HTR3D: variants seen among roughly 807,000 people sequenced by gnomAD.
HTR3D encodes the protein 5-hydroxytryptamine (serotonin) receptor 3 family member D.
Under a neutral mutation model 45.8 loss-of-function variants are expected in HTR3D, and 47 were observed. The observed-to-expected ratio is 1.03, with a 90% confidence interval of 0.81 to 1.31. The LOEUF is 1.31. Ranked by LOEUF, HTR3D falls within the 50% of genes most tolerant of loss-of-function variation. The probability of loss-of-function intolerance (pLI) is 0.00; values close to 1 mark genes in which losing one functional copy is unlikely to be tolerated. For missense variants in HTR3D, 448 were observed against 506.9 expected (o/e 0.88, Z 1.12); for synonymous variants, 203 against 199.8 (o/e 1.02, Z -0.13).
chr3:184,035,936 C>T (rs1391745624), intron 2 of HTR3D, 79 bp from the exon 3 acceptor site: 5 of 1,423,664 alleles, frequency 3.5e-6, no homozygotes, highest in Non-Finnish European at 2.9e-6. Context: ...TCAGTGATCC[C>T]CCCGCCTCAG....
At chr3:184,037,577 G>A (rs1722944644) in intron 5 of HTR3D, among the ~76,000 whole-genome samples, 1 of 152,122 alleles carries the variant, frequency 6.6e-6, no homozygotes, top group Non-Finnish European at 1.5e-5. Flanking sequence ...TTAGGGATAT[G>A]ATGATTCCAA....
intron 2 of HTR3D, 113 bp from the exon 3 acceptor site, chr3:184,035,902 A>G: frequency 9.8e-7 from 1 of 1,021,636 alleles, no homozygotes; most frequent in Non-Finnish European, 1.4e-6. Flanking sequence ...CATGTTAGCT[A>G]GGCTGGTCCT....
intron 3 of HTR3D, 71 bp downstream of exon 3, chr3:184,036,171 C>A: frequency 6.6e-7 from 1 of 1,504,278 alleles, no homozygotes. Flanking sequence ...ACCGATAAGG[C>A]CACACAAAGA....
Position 184,036,025 on chromosome 3 carries a change from A to G in HTR3D, c.122A>G (p.Asp41Gly). The stretch of plus-strand genomic sequence containing the variant: ...AATCAATTTGTGCAGTGGAACCCAG[A>G]TGAATGCGGAGGCATCAAGAAGTCC... ...SFLWLNMWNPDECGGIKKSGM... is the reference protein window; with the variant it reads ...SFLWLNMWNPGECGGIKKSGM... The change falls in exon 3 of 8, where the codon GAT becomes GGT. Residue 41 changes from aspartate to glycine, a missense_variant. Transcript: ENST00000428798. The G allele has an allele frequency of 6.4e-7, 1 of 1,551,638 alleles. No individual in the cohort carries two copies. The highest frequency in any genetic ancestry group is 8.7e-7 in the Non-Finnish European group (1 of 1,146,978).
At chr3:184,036,136 C>A in intron 3 of HTR3D, 36 bp downstream of exon 3, 2 of 1,539,932 alleles carry the variant, frequency 1.3e-6, no homozygotes, top group Non-Finnish European at 1.8e-6. Context: ...ATGGAAACCA[C>A]GTCTACAGGG....
chr3:184,037,621 G>T (rs73183415), intron 5 of HTR3D, among the ~76,000 whole-genome samples: 1 of 152,314 alleles, frequency 6.6e-6, no homozygotes, highest in Non-Finnish European at 1.5e-5. Flanking sequence ...GATACTGTCT[G>T]CTTTCCCTCC....
At chr3:184,032,275 T>C (rs1161955930) in intron 1 of HTR3D, among the ~76,000 whole-genome samples, 1 of 152,242 alleles carries the variant, frequency 6.6e-6, no homozygotes, top group African/African-American at 2.4e-5. Context: ...ATTACAGGCG[T>C]GAGCCCCTGA....
In HTR3D at chr3:184,036,446, A is replaced by C. The variant is rs766804552; in HGVS notation, c.269A>C (p.Gln90Pro). The change falls in exon 4 of 8, where the codon CAA (glutamine) becomes CCA (proline). Residue 90 changes from glutamine (Q) to proline (P), a missense_variant. By Grantham distance (76) the Gln-to-Pro change is moderately conservative. Transcript: ENST00000428798. ...IVKATSNTIS[Q>P]CGWSASANWT... ...AAGGCCACATCAAACACAATAAGCC[A>C]ATGTGGGTGGTCAGCATCTGCAAAC... The C allele has an allele frequency of 3.7e-6, 6 of 1,614,194 alleles. No individual in the cohort carries two copies. In the East Asian group the frequency reaches 1.3e-4, roughly 36 times the overall value.
In HTR3D at chr3:184,038,760, G is replaced by C; in HGVS notation, c.1000G>C (p.Glu334Gln). 6.2e-7 allele frequency: 1 copy of C among 1,603,390 alleles called. No individual in the cohort carries two copies. Among genetic ancestry groups the C allele is most frequent in the Non-Finnish European group, 8.5e-7 (1 of 1,174,242 alleles). Residue 334 changes from glutamate to glutamine, a missense_variant, in exon 8 of 8, where the codon GAG (glutamate) becomes CAG (glutamine). Physicochemically the swap from Glu to Gln is conservative, Grantham distance 29. Transcript: ENST00000428798. This position sits in a 1 kb window ranked among gnomAD's most constrained non-coding sequence, Gnocchi z 4.5. ...TCTTTCTGTAGGTGTGAAGGAGCCAGAGGTATCAGCAGGGCAGATGCCAGG... is the reference window on the plus strand; with the variant it reads ...TCTTTCTGTAGGTGTGAAGGAGCCACAGGTATCAGCAGGGCAGATGCCAGG... ...PTHLPGVKEPEVSAGQMPGPG... is the reference protein window; with the variant it reads ...PTHLPGVKEPQVSAGQMPGPG...
intron 3 of HTR3D, 55 bp downstream of exon 3, chr3:184,036,155 A>G (rs1722882022): frequency 6.6e-7 from 1 of 1,521,762 alleles, no homozygotes; most frequent in Non-Finnish European, 8.8e-7. Flanking sequence ...GGAAGGACAC[A>G]ATGTTACCGA....
intron 1 of HTR3D, among the ~76,000 whole-genome samples, chr3:184,033,586 T>C (rs1438249755): frequency 6.6e-6 from 1 of 152,118 alleles, no homozygotes; most frequent in Non-Finnish European, 1.5e-5. Flanking sequence ...AAAGCTACAG[T>C]AAGATATCTC....
At chr3:184,032,869 C>T in intron 1 of HTR3D, 2 of 1,551,970 alleles carry the variant, frequency 1.3e-6, no homozygotes, top group East Asian at 2.4e-5. Flanking sequence ...CCCTGGCCCT[C>T]CTCTCTCAGT....
chr3:184,035,178 GAT>G lies in HTR3D; in HGVS notation c.68_69del (p.Asp23ValfsTer19). Reference sequence around the variant, plus strand: ...ATCTAGATGAAAGCTGCTATTCCAGGATTCACACCTTCAACTGGTGACATCGT... The same window carrying G: ...ATCTAGATGAAAGCTGCTATTCCAGGTCACACCTTCAACTGGTGACATCGT... Reference protein sequence around the residue: ...LGFILHLLLQDSHLQLVTSFL... With the variant: ...LGFILHLLLQXSHLQLVTSFL... On this transcript the variant is annotated frameshift_variant and splice_region_variant, in exon 2 of 8. Coordinates refer to ENST00000428798, the MANE Select transcript of HTR3D (RefSeq NM_001145143.1). LOFTEE classifies it high-confidence loss of function. The G allele has an allele frequency of 1.3e-6, 2 of 1,552,026 alleles. No individual in the cohort carries two copies. Among genetic ancestry groups the G allele is most frequent in the Non-Finnish European group, 1.7e-6 (2 of 1,147,050 alleles).
At chr3:184,032,485 T>C (rs965056779) in intron 1 of HTR3D, among the ~76,000 whole-genome samples, 1 of 152,228 alleles carries the variant, frequency 6.6e-6, no homozygotes, top group Non-Finnish European at 1.5e-5. Context: ...ATCTATGCCA[T>C]ATTAATACAG....
At chr3:184,034,651 C>G (rs1450695257) in intron 1 of HTR3D, among the ~76,000 whole-genome samples, 3 of 152,128 alleles carry the variant, frequency 2.0e-5, no homozygotes, top group Non-Finnish European at 4.4e-5. Context: ...GAAACCCCAT[C>G]TCTACCAAAA....
In HTR3D at chr3:184,038,213, A is replaced by G. The variant is rs1234536255; in HGVS notation, c.709A>G (p.Thr237Ala). Residue 237 changes from threonine (T) to alanine (A), a missense_variant, in exon 6 of 8, where the codon ACT becomes GCT. Coordinates refer to ENST00000428798, the MANE Select transcript of HTR3D (RefSeq NM_001145143.1). The surrounding 1 kb of genome is among the most constrained non-coding windows in gnomAD (Gnocchi z 4.5). ...CATGATGAATGACTTGCTCCCAGCCACTAGCACTTCATCACATGCTTCACT... is the reference window on the plus strand; with the variant it reads ...CATGATGAATGACTTGCTCCCAGCCGCTAGCACTTCATCACATGCTTCACT... Reference protein sequence around the residue: ...LLMMNDLLPATSTSSHASLVR... With the variant: ...LLMMNDLLPAASTSSHASLVR... The G allele has an allele frequency of 1.2e-6, 2 of 1,614,202 alleles. No individual in the cohort carries two copies. Among genetic ancestry groups the G allele is most frequent in the South Asian group, 2.2e-5 (2 of 91,082 alleles).
At position 184,038,035 on chromosome 3, in the gene HTR3D, C is replaced by T. The variant is rs201592206; in HGVS notation, c.531C>T (p.Arg177=). 3.7e-6 allele frequency: 6 copies of T among 1,613,990 alleles called. No homozygotes were observed. Among genetic ancestry groups the T allele is most frequent in the Non-Finnish European group, 5.1e-6 (6 of 1,179,860 alleles). ...EQAIFHVAIR[R]RCRPSPYVVN... is the part of the protein sequence containing the mutation. Reference sequence around the variant, plus strand: ...CTCCCCACCAGGTGGCCATCAGGCGCAGGTGCAGGCCCAGCCCCTACGTGG... The same window carrying T: ...CTCCCCACCAGGTGGCCATCAGGCGTAGGTGCAGGCCCAGCCCCTACGTGG... The change falls in exon 6 of 8, where the codon CGC becomes CGT. Residue 177 remains arginine, a synonymous_variant. Transcript: ENST00000428798. This position sits in a 1 kb window ranked among gnomAD's most constrained non-coding sequence, Gnocchi z 4.5.
At position 184,038,003 on chromosome 3, in the gene HTR3D, C is replaced by G. The variant is rs1722956574; in HGVS notation, c.517-18C>G. 3 of 1,611,334 alleles carry G rather than the reference C, an allele frequency of 1.9e-6. No homozygotes were observed. The highest frequency in any genetic ancestry group is 1.3e-5 in the African/African-American group (1 of 74,922). On this transcript the variant is annotated intron_variant, in intron 5 of 7. Transcript: ENST00000428798. The surrounding 1 kb of genome is among the most constrained non-coding windows in gnomAD (Gnocchi z 4.5). ...CCCAGCCTACTTCTCACTTGCCCCT[C>G]CTTCTCCTCCCCACCAGGTGGCCAT...
In HTR3D at chr3:184,036,045, A is replaced by G. The variant is rs141952918; in HGVS notation, c.142A>G (p.Lys48Glu). Residue 48 changes from lysine to glutamate, a missense_variant, in exon 3 of 8, where the codon AAG becomes GAG. By Grantham distance (56) the Lys-to-Glu change is moderately conservative. Transcript: ENST00000428798. ...WNPDECGGIK[K>E]SGMATENLWL... ...CCCAGATGAATGCGGAGGCATCAAG[A>G]AGTCCGGCATGGCAACTGAGAACCT... The G allele has an allele frequency of 1.1e-3, 1,714 of 1,551,618 alleles. 25 individuals are homozygous for G. In the African/African-American group the frequency reaches 0.021, roughly 19 times the overall value.
Sources: allele counts gnomAD v4.1 joint callset (sites outside exome capture counted in the v4.1 genomes callset), GRCh38; gene constraint gnomAD v4.1.1; non-coding constraint Gnocchi (gnomAD v3.1); transcripts MANE v1.5; gene names NCBI Gene and HGNC (gene_info 2026-07-23, HGNC 2026-07-21).